Variants in RNF13 observed in about 807,000 individuals in gnomAD.
RNF13 encodes the protein E3 ubiquitin-protein ligase RNF13.
A neutral mutation model predicts 37.7 loss-of-function variants in RNF13; 19 were observed. The ratio of observed to expected loss-of-function variants is 0.50; its 90% confidence interval spans 0.35 to 0.74. RNF13 has a LOEUF of 0.74. Among genes scored for constraint, RNF13 ranks in the 30% least tolerant of loss-of-function variants. RNF13 has a pLI of 0.01. For missense variants in RNF13, 375 were observed against 453.0 expected, an observed-to-expected ratio of 0.83 and a Z score of 1.56; for synonymous variants, 144 against 157.8, an observed-to-expected ratio of 0.91 and a Z score of 0.65.
At chr3:149,901,388 A>G (rs923097709) in intron 5 of RNF13, among the ~76,000 whole-genome samples, 1 of 152,156 alleles carries the variant, frequency 6.6e-6, no homozygotes, top group Admixed American at 6.5e-5. Flanking sequence ...TTTTCTTTCT[A>G]TTCCTGAGTA....
intron 1 of RNF13, among the ~76,000 whole-genome samples, chr3:149,833,772 C>T (rs1468714578): frequency 6.6e-6 from 1 of 151,900 alleles, no homozygotes; most frequent in Non-Finnish European, 1.5e-5. Context: ...AGCAATTAGG[C>T]AAGAAAGAGA....
chr3:149,916,902 T>C (rs1466678146), intron 7 of RNF13, among the ~76,000 whole-genome samples: 3 of 152,216 alleles, frequency 2.0e-5, no homozygotes, highest in African/African-American at 7.2e-5. Context: ...TTCTAGTATA[T>C]GCATTTAGGT....
At chr3:149,812,714 A>AGT (rs1365319895), upstream of RNF13, 1 of 152,452 alleles carries the variant, frequency 6.6e-6, no homozygotes, top group African/African-American at 2.4e-5. Flanking sequence ...TCGCCTCTTT[A>AGT]GTAGGTCGGG....
chr3:149,907,676 G>T (rs533771172), intron 6 of RNF13, among the ~76,000 whole-genome samples: 1 of 152,204 alleles, frequency 6.6e-6, no homozygotes, highest in South Asian at 2.1e-4. Flanking sequence ...AACAATAATA[G>T]AACCTACAGC....
At chr3:149,896,935 C>T (rs1403684653) in intron 5 of RNF13, among the ~76,000 whole-genome samples, 1 of 152,052 alleles carries the variant, frequency 6.6e-6, no homozygotes, top group Admixed American at 6.6e-5. Context: ...ATTAAGTACC[C>T]ATAAGAAGTT....
chr3:149,825,554 A>C (rs965763922), intron 1 of RNF13, among the ~76,000 whole-genome samples: 2 of 152,022 alleles, frequency 1.3e-5, no homozygotes, highest in African/African-American at 2.4e-5. Flanking sequence ...ACCCATCAGC[A>C]CCCCAGTGGG....
At chr3:149,858,009 T>A (rs551508013) in intron 3 of RNF13, among the ~76,000 whole-genome samples, 2 of 152,276 alleles carry the variant, frequency 1.3e-5, no homozygotes, top group African/African-American at 4.8e-5. Flanking sequence ...TAGATGGAAT[T>A]AGTTCCAACG....
chr3:149,892,881 A>G (rs1455059215), intron 4 of RNF13, among the ~76,000 whole-genome samples: 2 of 152,174 alleles, frequency 1.3e-5, no homozygotes, highest in Non-Finnish European at 2.9e-5. Context: ...GATCTTGAAG[A>G]AAAATATAAA....
chr3:149,857,801 T>C (rs552232980), intron 3 of RNF13, among the ~76,000 whole-genome samples: 28 of 152,218 alleles, frequency 1.8e-4, no homozygotes, highest in Non-Finnish European at 3.2e-4. Flanking sequence ...TTTACCTTTT[T>C]CAAATGGATA....
Position 149,915,816 on chromosome 3 carries a change from A to AT in RNF13, c.606+3734dup, listed in dbSNP as rs1717450758. Reference sequence around the variant, plus strand: ...CAAATTCATAGAGACAGAAACTAGAATGGTGGTTGCCAGGGACTGAGGGGA... The same window carrying AT: ...CAAATTCATAGAGACAGAAACTAGAATTGGTGGTTGCCAGGGACTGAGGGGA... On this transcript the variant is annotated intron_variant, in intron 7 of 9. Coordinates refer to ENST00000392894, the MANE Select transcript of RNF13 (RefSeq NM_183381.3). Among the ~76,000 whole-genome samples the AT allele has an allele frequency of 3.9e-5, 6 of 152,286 alleles. No individual in the cohort carries two copies. In the South Asian group the frequency reaches 1.2e-3, roughly 32 times the overall value.
chr3:149,939,964 C>G (rs1008764737), intron 8 of RNF13, among the ~76,000 whole-genome samples: 1 of 151,988 alleles, frequency 6.6e-6, no homozygotes, highest in Non-Finnish European at 1.5e-5. Context: ...TTTATCTGAT[C>G]CACTCTGACA....
At chr3:149,833,118 C>CTCTTTTTTTTTTT (rs1306537184) in intron 1 of RNF13, among the ~76,000 whole-genome samples, 2 of 111,876 alleles carry the variant, frequency 1.8e-5, no homozygotes, top group Admixed American at 1.1e-4. Flanking sequence ...CTCTCTCTCT[C>CTCTTTTTTTTTTT]TTTTTTTTTT....
intron 1 of RNF13, among the ~76,000 whole-genome samples, chr3:149,829,610 G>A (rs1223860774): frequency 6.6e-6 from 1 of 152,060 alleles, no homozygotes; most frequent in East Asian, 1.9e-4. Flanking sequence ...CTGCTTTCTT[G>A]CAAAAAATAT....
intron 8 of RNF13, 100 bp downstream of exon 8, chr3:149,921,327 G>A: frequency 3.2e-6 from 1 of 315,724 alleles, no homozygotes. Context: ...TATACTTTAA[G>A]TTCTAGGGTA....
intron 6 of RNF13, among the ~76,000 whole-genome samples, chr3:149,911,658 CA>C (rs969487729): frequency 3.5e-4 from 48 of 136,802 alleles, no homozygotes; most frequent in Admixed American, 4.4e-4. Flanking sequence ...GGCTCCATCT[CA>C]AAAAAAAAAA....
intron 7 of RNF13, among the ~76,000 whole-genome samples, chr3:149,912,761 C>T (rs2108519845): frequency 6.6e-6 from 1 of 152,110 alleles, no homozygotes; most frequent in South Asian, 2.1e-4. Context: ...CATATTATTT[C>T]TCCATAACGG....
chr3:149,869,667 C>T (rs1195440325), intron 3 of RNF13, among the ~76,000 whole-genome samples: 2 of 151,538 alleles, frequency 1.3e-5, no homozygotes, highest in Non-Finnish European at 3.0e-5. Flanking sequence ...TTTCTTGCTT[C>T]GTCCATTTGG....
chr3:149,816,873 G>A (rs1215469907), intron 1 of RNF13, among the ~76,000 whole-genome samples: 14 of 152,182 alleles, frequency 9.2e-5, no homozygotes, highest in Admixed American at 5.9e-4. Context: ...AGTGATGATC[G>A]TAGTGAAGGT....
intron 1 of RNF13, among the ~76,000 whole-genome samples, chr3:149,818,020 A>C (rs1265467440): frequency 1.3e-5 from 2 of 152,214 alleles, no homozygotes; most frequent in Non-Finnish European, 2.9e-5. Flanking sequence ...AAGTAGTAAA[A>C]TATATCCATC....
Sources: gnomAD v4.1 joint callset for allele counts (sites outside exome capture counted in the v4.1 genomes callset) on GRCh38, gnomAD v4.1.1 for gene constraint, MANE v1.5 for transcripts, NCBI Gene and HGNC (gene_info 2026-07-23, HGNC 2026-07-21) for gene names.